Variants in CHCHD3 observed in about 807,000 individuals in gnomAD.
The protein encoded by CHCHD3 is coiled-coil-helix-coiled-coil-helix domain containing 3.
CHCHD3 carries 20 observed loss-of-function variants against 38.2 expected under a neutral mutation model. That is an observed-to-expected ratio of 0.52 (90% confidence interval 0.37 to 0.76). The LOEUF (loss-of-function observed/expected upper bound fraction) is 0.76. Ranked by LOEUF, CHCHD3 falls within the 30% of genes least tolerant of loss-of-function variation. The probability of loss-of-function intolerance (pLI) is 0.00; values close to 1 mark genes in which losing one functional copy is unlikely to be tolerated. For missense variants in CHCHD3, 245 were observed against 279.2 expected (o/e 0.88, Z 0.87); for synonymous variants, 82 against 100.0 (o/e 0.82, Z 1.07).
chr7:132,841,533 G>C (rs1191985227), intron 5 of CHCHD3, among the ~76,000 whole-genome samples: 1 of 152,032 alleles, frequency 6.6e-6, no homozygotes, highest in Non-Finnish European at 1.5e-5. Flanking sequence ...ACAAAGTAAA[G>C]GAATGAATTA....
chr7:133,030,662 T>C (rs1332413856), intron 2 of CHCHD3, among the ~76,000 whole-genome samples: 2 of 152,248 alleles, frequency 1.3e-5, no homozygotes, highest in Non-Finnish European at 2.9e-5. Flanking sequence ...AGAAATGTGT[T>C]AAGACAAAAG....
intron 4 of CHCHD3, among the ~76,000 whole-genome samples, chr7:132,906,908 C>T (rs989048488): frequency 3.9e-5 from 6 of 152,138 alleles, no homozygotes; most frequent in African/African-American, 1.4e-4. Flanking sequence ...ATGGCCAGGA[C>T]ACCAACTTAC....
chr7:132,797,123 C>T (rs941763651), intron 6 of CHCHD3, among the ~76,000 whole-genome samples: 1 of 152,172 alleles, frequency 6.6e-6, no homozygotes, highest in Non-Finnish European at 1.5e-5. Flanking sequence ...GCACTTTCTA[C>T]ACAAAATACA....
At chr7:132,806,107 A>G (rs1806913905) in intron 6 of CHCHD3, among the ~76,000 whole-genome samples, 1 of 152,152 alleles carries the variant, frequency 6.6e-6, no homozygotes, top group South Asian at 2.1e-4. Flanking sequence ...AGGAAGATGG[A>G]GCAGTAGGGG....
At chr7:133,068,725 G>A (rs769309269) in intron 2 of CHCHD3, among the ~76,000 whole-genome samples, 9 of 152,192 alleles carry the variant, frequency 5.9e-5, no homozygotes, top group Admixed American at 2.0e-4. Context: ...TAGAGATGGA[G>A]TTGACAAGAC....
At chr7:132,847,815 T>G (rs535350925) in intron 5 of CHCHD3, among the ~76,000 whole-genome samples, 10 of 152,322 alleles carry the variant, frequency 6.6e-5, no homozygotes, top group African/African-American at 2.4e-4. Context: ...ACCCATCGCA[T>G]GTACAAAAAG....
chr7:133,075,769 G>A (rs900082647), intron 1 of CHCHD3, among the ~76,000 whole-genome samples: 1 of 152,190 alleles, frequency 6.6e-6, no homozygotes, highest in African/African-American at 2.4e-5. Flanking sequence ...TGTGTAAGAA[G>A]TATCTTGCGG....
At chr7:132,911,319 C>T (rs937143422) in intron 4 of CHCHD3, among the ~76,000 whole-genome samples, 2 of 152,102 alleles carry the variant, frequency 1.3e-5, no homozygotes, top group Admixed American at 6.6e-5. Flanking sequence ...AGAAGCAACC[C>T]GAGAACATCA....
chr7:132,975,826 G>A (rs773959716), intron 3 of CHCHD3, among the ~76,000 whole-genome samples: 1 of 151,970 alleles, frequency 6.6e-6, no homozygotes, highest in Admixed American at 6.5e-5. Context: ...AGCTACCTGG[G>A]AGGCTGAGGC....
chr7:133,043,991 T>C (rs1384726187), intron 2 of CHCHD3, among the ~76,000 whole-genome samples: 1 of 152,246 alleles, frequency 6.6e-6, no homozygotes, highest in Non-Finnish European at 1.5e-5. Flanking sequence ...ATGATGCTCA[T>C]TAACCTGCTT....
At chr7:132,822,478 C>T (rs1422393379) in intron 6 of CHCHD3, among the ~76,000 whole-genome samples, 3 of 151,296 alleles carry the variant, frequency 2.0e-5, no homozygotes, top group Admixed American at 1.3e-4. Context: ...TATTGTGATA[C>T]AACTTCTAAG....
chr7:133,047,194 T>C (rs545655044), intron 2 of CHCHD3, among the ~76,000 whole-genome samples: 1 of 152,304 alleles, frequency 6.6e-6, no homozygotes, highest in South Asian at 2.1e-4. Flanking sequence ...CTTCTTTTTT[T>C]TTAAAGAATT....
intron 1 of CHCHD3, among the ~76,000 whole-genome samples, chr7:133,073,866 A>G (rs561559987): frequency 8.5e-5 from 13 of 152,288 alleles, no homozygotes; most frequent in African/African-American, 2.9e-4. Flanking sequence ...CAAATTCTAC[A>G]GTTTTTTTCC....
At chr7:132,947,997 G>A (rs954456211) in intron 4 of CHCHD3, among the ~76,000 whole-genome samples, 2 of 151,972 alleles carry the variant, frequency 1.3e-5, no homozygotes, top group Non-Finnish European at 2.9e-5. Context: ...CCATTGGGGG[G>A]AAAAAGTCAC....
In CHCHD3 at chr7:133,035,613, T is replaced by G. The variant is rs552008524; in HGVS notation, c.170-10986A>C. 7.8e-5 allele frequency: 125 copies of G among 1,611,762 alleles called. No homozygotes were observed. In the Middle Eastern group the frequency reaches 9.9e-4, roughly 13 times the overall value. On this transcript the variant is annotated intron_variant, in intron 2 of 7. Coordinates refer to ENST00000262570, the MANE Select transcript of CHCHD3 (RefSeq NM_017812.4). This position sits in a 1 kb window ranked among gnomAD's most constrained non-coding sequence, Gnocchi z 4.7. ...ACTGGCTGGGGGCACTATATCGGAA[T>G]CAGCAAAGCTCACCCACTGCACCAC...
At chr7:132,846,862 C>T (rs1324875147) in intron 5 of CHCHD3, among the ~76,000 whole-genome samples, 1 of 152,128 alleles carries the variant, frequency 6.6e-6, no homozygotes, top group Non-Finnish European at 1.5e-5. Flanking sequence ...TGCAATGCTA[C>T]CACAAAAAGG....
intron 2 of CHCHD3, among the ~76,000 whole-genome samples, chr7:133,033,252 T>C (rs983088330): frequency 2.8e-4 from 43 of 152,322 alleles, no homozygotes; most frequent in Admixed American, 1.7e-3. Context: ...TCTGTTTATA[T>C]ATAAAACAAC....
At chr7:132,917,784 G>A (rs577522210) in intron 4 of CHCHD3, among the ~76,000 whole-genome samples, 1 of 150,124 alleles carries the variant, frequency 6.7e-6, no homozygotes, top group South Asian at 2.1e-4. Flanking sequence ...ACGTGAACTC[G>A]GGAGGCGGAG....
intron 5 of CHCHD3, among the ~76,000 whole-genome samples, chr7:132,870,505 A>G (rs1808740822): frequency 6.6e-6 from 1 of 152,174 alleles, no homozygotes; most frequent in Admixed American, 6.5e-5. Context: ...GGTGCTGATA[A>G]CTGATATTTA....
Sources: allele counts gnomAD v4.1 joint callset (sites outside exome capture counted in the v4.1 genomes callset), GRCh38; gene constraint gnomAD v4.1.1; non-coding constraint Gnocchi (gnomAD v3.1); transcripts MANE v1.5; gene names NCBI Gene and HGNC (gene_info 2026-07-23, HGNC 2026-07-21).